Variants in CFH observed in about 807,000 individuals in gnomAD.
The protein encoded by CFH is H factor 1 (complement).
Under a neutral mutation model 147.3 loss-of-function variants are expected in CFH, and 53 were observed. The observed-to-expected ratio is 0.36, with a 90% CI of 0.29 to 0.45. CFH has a LOEUF of 0.45. Ranked by LOEUF, CFH falls within the 20% of genes least tolerant of loss-of-function variation. The pLI, the probability that CFH is intolerant of heterozygous loss-of-function variation, is 1.00. For missense variants in CFH, 1,380 were observed against 1,498.0 expected (o/e 0.92, Z 1.30); for synonymous variants, 536 against 489.4 (o/e 1.10, Z -1.26).
At chr1:196,721,652 G>C (rs1036507526) in intron 11 of CFH, among the ~76,000 whole-genome samples, 2 of 151,812 alleles carry the variant, frequency 1.3e-5, no homozygotes, top group African/African-American at 4.8e-5. Context: ...TAGTCATTGG[G>C]GGTGTGGAGG....
At chr1:196,742,137 G>T in intron 19 of CFH, 86 bp downstream of exon 19, 1 of 1,281,458 alleles carries the variant, frequency 7.8e-7, no homozygotes, top group Non-Finnish European at 1.1e-6. Flanking sequence ...CACTTTGGGA[G>T]GCCGAGGTGG....
At chr1:196,674,246 C>T (rs553946103) in intron 3 of CFH, among the ~76,000 whole-genome samples, 1 of 152,040 alleles carries the variant, frequency 6.6e-6, no homozygotes, top group African/African-American at 2.4e-5. Context: ...CAAGTCTTCA[C>T]GACATTCTAT....
chr1:196,707,110 GC>G lies in CFH; in HGVS notation c.1337-6623del, dbSNP rs34916950. 7.6e-3 allele frequency among the ~76,000 whole-genome samples: 1,158 copies of G among 152,132 alleles called. 7 individuals are homozygous for G. The highest frequency in any genetic ancestry group is 0.017 in the Middle Eastern group (5 of 294). ...CAGCATAATCTGGAATCTTCATACA[GC>G]CTGCAGACTGAAGTCTACTGAAAAA... is the stretch of plus-strand genomic sequence containing the variant. On this transcript the variant is annotated intron_variant, in intron 9 of 21. Transcript: ENST00000367429.
intron 9 of CFH, among the ~76,000 whole-genome samples, chr1:196,701,788 C>A (rs1408691801): frequency 1.3e-5 from 2 of 152,082 alleles, no homozygotes; most frequent in Non-Finnish European, 2.9e-5. Flanking sequence ...CAAAGTAACC[C>A]ACAATGCAAC....
intron 6 of CFH, among the ~76,000 whole-genome samples, chr1:196,683,774 A>G (rs985630520): frequency 4.0e-5 from 6 of 151,856 alleles, no homozygotes; most frequent in South Asian, 2.1e-4. Flanking sequence ...AAAGAAGTAT[A>G]GGAAACTCAC....
intron 9 of CFH, among the ~76,000 whole-genome samples, chr1:196,702,630 T>C (rs1668488386): frequency 6.6e-6 from 1 of 152,020 alleles, no homozygotes; most frequent in South Asian, 2.1e-4. Flanking sequence ...CAATATTTTG[T>C]TGACTTCAGA....
chr1:196,655,220 A>G (rs1450526499), intron 1 of CFH, among the ~76,000 whole-genome samples: 2 of 152,156 alleles, frequency 1.3e-5, no homozygotes, highest in Non-Finnish European at 2.9e-5. Flanking sequence ...GTTGATGAGG[A>G]TAAGAATAGA....
rs549213437 is a variant in CFH at position 196,658,407 on chromosome 1, A to ATTTTTTTTTTTTTTTTTTTTTTT, written c.58+6254_58+6255insTTTTTTTTTTTTTTTTTTTTTTT. ...GGATTACAGCCACCTTGCTCAGGTA[A>ATTTTTTTTTTTTTTTTTTTTTTT]TTTTTTTTTTTTTTTTTTTTTTGAG... On this transcript the variant is annotated intron_variant, in intron 1 of 21. Coordinates refer to ENST00000367429, the MANE Select transcript of CFH (RefSeq NM_000186.4). Among the ~76,000 whole-genome samples, 57 of 92,230 alleles carry ATTTTTTTTTTTTTTTTTTTTTTT rather than the reference A, an allele frequency of 6.2e-4. 3 individuals carry two copies. Among genetic ancestry groups the ATTTTTTTTTTTTTTTTTTTTTTT allele is most frequent in the East Asian group, 2.0e-3 (6 of 2,964 alleles). 60.5% of individuals were successfully genotyped at this position (92,230 alleles called of 152,430 possible).
Position 196,676,344 on chromosome 1 carries a change from A to G in CFH, c.427+279A>G, listed in dbSNP as rs575453146. On this transcript the variant is annotated intron_variant, in intron 4 of 21. Coordinates refer to ENST00000367429, the MANE Select transcript of CFH (RefSeq NM_000186.4). The stretch of plus-strand genomic sequence containing the variant: ...TCCTTTTGGATTCTAATGACTAGAA[A>G]CGCATATAAGCATCATTAGCTAAAT... Among the ~76,000 whole-genome samples, 9 of 152,214 alleles carry G rather than the reference A, an allele frequency of 5.9e-5. No individual in the cohort carries two copies. The South Asian group carries it at 1.9e-3, about 32-fold the overall frequency.
intron 20 of CFH, among the ~76,000 whole-genome samples, chr1:196,744,067 G>A (rs1013343140): frequency 9.2e-5 from 14 of 152,068 alleles, no homozygotes; most frequent in Admixed American, 8.5e-4. Context: ...AAAGAAGTCC[G>A]AGCACATAGT....
intron 15 of CFH, among the ~76,000 whole-genome samples, chr1:196,734,376 C>G (rs1365921098): frequency 6.6e-6 from 1 of 152,056 alleles, no homozygotes; most frequent in Non-Finnish European, 1.5e-5. Flanking sequence ...GCTGACATCA[C>G]TCCCTGCCTA....
chr1:196,692,972 C>T (rs531509950), intron 9 of CFH, among the ~76,000 whole-genome samples: 22 of 139,780 alleles, frequency 1.6e-4, no homozygotes, highest in Non-Finnish European at 2.4e-4. Context: ...TCAAGTTATT[C>T]TTAAGAATGT....
intron 1 of CFH, among the ~76,000 whole-genome samples, chr1:196,666,684 C>T (rs900800814): frequency 3.3e-5 from 5 of 149,928 alleles, no homozygotes; most frequent in Admixed American, 2.0e-4. Flanking sequence ...TGGTGGCGGG[C>T]ACCTGTAGTT....
chr1:196,714,012 G>A, intron 10 of CFH, 95 bp downstream of exon 10: 1 of 1,114,536 alleles, frequency 9.0e-7, no homozygotes, highest in Non-Finnish European at 1.3e-6. Flanking sequence ...AATTTCATTT[G>A]AAAAGATAAG....
chr1:196,676,265 C>G (rs1357890261), intron 4 of CFH, among the ~76,000 whole-genome samples, 200 bp downstream of exon 4: 1 of 151,808 alleles, frequency 6.6e-6, no homozygotes, highest in East Asian at 1.9e-4. Context: ...GCAGCCTGAT[C>G]TGATATAATA....
intron 10 of CFH, 141 bp downstream of exon 10, chr1:196,714,058 T>G (rs1668787239): frequency 2.8e-6 from 2 of 725,072 alleles, no homozygotes; most frequent in Non-Finnish European, 4.6e-6. Context: ...AGACATCAAT[T>G]TTTTTTCCTT....
chr1:196,689,624 C>T lies in CFH; in HGVS notation c.1159+10C>T. Reference sequence around the variant, plus strand: ...GCAGTACCATGCCTCAGTAAGTAAACCTCTGAACTGCTATATATATGTATA... The same window carrying T: ...GCAGTACCATGCCTCAGTAAGTAAATCTCTGAACTGCTATATATATGTATA... On this transcript the variant is annotated intron_variant, in intron 8 of 21. Coordinates refer to ENST00000367429, the MANE Select transcript of CFH (RefSeq NM_000186.4). The T allele has an allele frequency of 6.2e-7, 1 of 1,612,606 alleles. No individual in the cohort carries two copies.
chr1:196,667,079 T>C (rs1667122394), intron 1 of CFH, among the ~76,000 whole-genome samples: 1 of 152,314 alleles, frequency 6.6e-6, no homozygotes, highest in South Asian at 2.1e-4. Context: ...TTGGAAACAG[T>C]GTGCTTAAAT....
In CFH at chr1:196,696,252, C is replaced by G. The variant is rs146737794; in HGVS notation, c.1336+6013C>G. 3.6e-3 allele frequency among the ~76,000 whole-genome samples: 553 copies of G among 152,198 alleles called. 7 individuals are homozygous for G. Among genetic ancestry groups the G allele is most frequent in the African/African-American group, 0.011 (475 of 41,550 alleles). On this transcript the variant is annotated intron_variant, in intron 9 of 21. Transcript: ENST00000367429. ...AAACGCAAAAGAACAAAAACCACAA[C>G]AAACAGTCTCTCAGACCACAGTGAA...
Sources: allele counts gnomAD v4.1 joint callset (sites outside exome capture counted in the v4.1 genomes callset), GRCh38; gene constraint gnomAD v4.1.1; transcripts MANE v1.5; gene names NCBI Gene and HGNC (gene_info 2026-07-23, HGNC 2026-07-21).